PTPRD: variants seen among roughly 807,000 people sequenced by gnomAD.
PTPRD encodes the protein receptor-type tyrosine-protein phosphatase delta.
PTPRD carries 34 observed loss-of-function variants against 214.5 expected under a neutral mutation model. That is an observed-to-expected ratio of 0.16 (90% CI 0.12 to 0.21). PTPRD has a LOEUF of 0.21. Ranked by LOEUF, PTPRD falls within the 10% of genes least tolerant of loss-of-function variation. PTPRD has a pLI of 1.00. For missense variants in PTPRD, 2,545 were observed against 2,398.7 expected, an observed-to-expected ratio of 1.06 and a Z score of -1.27; for synonymous variants, 1,128 against 845.7, an observed-to-expected ratio of 1.33 and a Z score of -5.79.
At chr9:9,141,139 C>T (rs1357739097) in intron 10 of PTPRD, among the ~76,000 whole-genome samples, 1 of 150,714 alleles carries the variant, frequency 6.6e-6, no homozygotes, top group Non-Finnish European at 1.5e-5. Context: ...TTTCTCTCCT[C>T]TCTTCTCTCC....
At chr9:8,350,484 T>C (rs765174216) in intron 39 of PTPRD, among the ~76,000 whole-genome samples, 6 of 152,206 alleles carry the variant, frequency 3.9e-5, no homozygotes, top group South Asian at 4.1e-4. Flanking sequence ...TGAGAAAAGA[T>C]TGAGTTTTAC....
chr9:10,302,914 A>G (rs2095910632), intron 3 of PTPRD, among the ~76,000 whole-genome samples: 1 of 152,192 alleles, frequency 6.6e-6, no homozygotes, highest in African/African-American at 2.4e-5. Flanking sequence ...AGTGGACCTA[A>G]TAGACATCAA....
intron 14 of PTPRD, among the ~76,000 whole-genome samples, chr9:8,573,627 T>A (rs919890235): frequency 6.6e-6 from 1 of 151,994 alleles, no homozygotes; most frequent in Non-Finnish European, 1.5e-5. Flanking sequence ...ATATCTCTAA[T>A]GTTCACAAGC....
At chr9:8,894,794 GAT>G (rs565619714) in intron 11 of PTPRD, among the ~76,000 whole-genome samples, 2 of 152,064 alleles carry the variant, frequency 1.3e-5, no homozygotes, top group African/African-American at 4.8e-5. Context: ...TTGTTTTTAT[GAT>G]ATGTCCTTGT....
intron 6 of PTPRD, among the ~76,000 whole-genome samples, chr9:9,763,731 A>C (rs906557866): frequency 1.5e-4 from 23 of 151,766 alleles, no homozygotes; most frequent in African/African-American, 5.6e-4. Flanking sequence ...GACTTCAGAC[A>C]ACACATTCTT....
At chr9:9,758,196 T>A (rs1192224270) in intron 6 of PTPRD, among the ~76,000 whole-genome samples, 1 of 150,602 alleles carries the variant, frequency 6.6e-6, no homozygotes, top group East Asian at 2.0e-4. Flanking sequence ...TTTTTTTTTA[T>A]TCCTGAATAA....
Position 10,606,544 on chromosome 9 carries a change from T to TC in PTPRD, c.-600+5853_-600+5854insG, listed in dbSNP as rs973439138. ...TTCTTCTTTATTTTCTTTTTTTTTTTTTCTGTTTCTGTGCTCTAAATTAAC... is the reference window on the plus strand; with the variant it reads ...TTCTTCTTTATTTTCTTTTTTTTTTTCTTCTGTTTCTGTGCTCTAAATTAAC... On this transcript the variant is annotated intron_variant, in intron 2 of 45. Transcript: ENST00000381196. Among the ~76,000 whole-genome samples the TC allele has an allele frequency of 1.3e-5, 2 of 151,542 alleles. 1 individual carries two copies. The highest frequency in any genetic ancestry group is 4.8e-5 in the African/African-American group (2 of 41,340).
intron 2 of PTPRD, among the ~76,000 whole-genome samples, chr9:10,453,962 T>G (rs2098879495): frequency 6.6e-6 from 1 of 151,626 alleles, no homozygotes. Context: ...CATGTTGAGG[T>G]TACCCCAAAC....
At chr9:9,935,104 C>A (rs1402029991) in intron 5 of PTPRD, among the ~76,000 whole-genome samples, 1 of 151,930 alleles carries the variant, frequency 6.6e-6, no homozygotes, top group Admixed American at 6.6e-5. Context: ...TATGACAAAC[C>A]CACAGCCAAT....
chr9:10,426,624 T>C (rs1264641004), intron 2 of PTPRD, among the ~76,000 whole-genome samples: 1 of 152,058 alleles, frequency 6.6e-6, no homozygotes, highest in East Asian at 1.9e-4. Context: ...GACAAAGAGA[T>C]GTTCCCTCTG....
intron 10 of PTPRD, among the ~76,000 whole-genome samples, chr9:9,067,100 C>G (rs1000884998): frequency 6.6e-6 from 1 of 152,034 alleles, no homozygotes; most frequent in African/African-American, 2.4e-5. Context: ...AAAATTTAGC[C>G]CTCGTGGTGG....
rs529863845 is a variant in PTPRD, at chr9:10,402,139, C to A, written c.-599-61122G>T. On this transcript the variant is annotated intron_variant, in intron 2 of 45. Transcript: ENST00000381196. The stretch of plus-strand genomic sequence containing the variant: ...ATGGTGTTCCTATGTAATTAAAGAG[C>A]AGGTACTAGGCCAGCCACTGTTTCA... Among the ~76,000 whole-genome samples, 204 of 151,606 alleles carry A rather than the reference C, an allele frequency of 1.3e-3. 2 individuals are homozygous for A. The highest frequency in any genetic ancestry group is 4.6e-3 in the African/African-American group (192 of 41,474).
chr9:8,911,775 T>C (rs985156193), intron 11 of PTPRD, among the ~76,000 whole-genome samples: 1 of 152,192 alleles, frequency 6.6e-6, no homozygotes, highest in African/African-American at 2.4e-5. Context: ...ATATTTCTGA[T>C]AGAGGAATTA....
At chr9:10,494,415 C>T (rs1335302261) in intron 2 of PTPRD, among the ~76,000 whole-genome samples, 1 of 151,820 alleles carries the variant, frequency 6.6e-6, no homozygotes, top group Non-Finnish European at 1.5e-5. Flanking sequence ...ATGTACATAG[C>T]TTTATAAGCA....
intron 6 of PTPRD, among the ~76,000 whole-genome samples, chr9:9,753,454 TA>T (rs1212904607): frequency 2.6e-5 from 4 of 152,096 alleles, no homozygotes; most frequent in African/African-American, 7.2e-5. Context: ...CCCTTCAGGC[TA>T]AAGCACGCAA....
chr9:10,571,594 T>C (rs1370107996), intron 2 of PTPRD, among the ~76,000 whole-genome samples: 1 of 152,198 alleles, frequency 6.6e-6, no homozygotes, highest in African/African-American at 2.4e-5. Flanking sequence ...AAAGTGGTCA[T>C]GACCACCATC....
At chr9:9,861,517 C>G (rs1292081318) in intron 5 of PTPRD, among the ~76,000 whole-genome samples, 1 of 152,190 alleles carries the variant, frequency 6.6e-6, no homozygotes, top group Non-Finnish European at 1.5e-5. Flanking sequence ...GTCTCAATCT[C>G]ATGACCTCGT....
intron 37 of PTPRD, among the ~76,000 whole-genome samples, chr9:8,384,622 G>A (rs751807736): frequency 6.6e-6 from 1 of 152,046 alleles, no homozygotes; most frequent in African/African-American, 2.4e-5. Context: ...CTGTCTCCCG[G>A]GTCAAGCGAT....
At chr9:8,341,057 G>A in intron 41 of PTPRD, 33 bp downstream of exon 41, 1 of 1,541,294 alleles carries the variant, frequency 6.5e-7, no homozygotes, top group East Asian at 2.3e-5. Flanking sequence ...AAATATCAAG[G>A]CTTTGGATAG....
Sources: gnomAD v4.1 joint callset for allele counts (sites outside exome capture counted in the v4.1 genomes callset) on GRCh38, gnomAD v4.1.1 for gene constraint, MANE v1.5 for transcripts, NCBI Gene and HGNC (gene_info 2026-07-23, HGNC 2026-07-21) for gene names.